The following TRPV4 variants were observed in gnomAD, a reference collection of about 807,000 sequenced individuals.
The protein encoded by TRPV4 is transient receptor potential cation channel subfamily V member 4, also known as OSM9-like transient receptor potential channel 4.
A neutral mutation model predicts 84.1 loss-of-function variants in TRPV4; 58 were observed. The ratio of observed to expected loss-of-function variants is 0.69; its 90% CI spans 0.56 to 0.86. The LOEUF is 0.86. Among genes scored for constraint, TRPV4 ranks in the 40% least tolerant of loss-of-function variants. The pLI, the probability that TRPV4 is intolerant of heterozygous loss-of-function variation, is 0.00. For missense variants in TRPV4, 879 were observed against 1,181.1 expected, an observed-to-expected ratio of 0.74 and a Z score of 3.75; for synonymous variants, 489 against 500.9, an observed-to-expected ratio of 0.98 and a Z score of 0.32.
At chr12:109,831,093 GAT>G (rs1419713228) in intron 1 of TRPV4, among the ~76,000 whole-genome samples, 1 of 152,018 alleles carries the variant, frequency 6.6e-6, no homozygotes, top group Non-Finnish European at 1.5e-5. Context: ...CTCTGGGTCT[GAT>G]TTAGCTCCTG....
At chr12:109,829,040 T>A (rs1892343534) in intron 1 of TRPV4, among the ~76,000 whole-genome samples, 1 of 152,000 alleles carries the variant, frequency 6.6e-6, no homozygotes, top group African/African-American at 2.4e-5. Context: ...TTTTTTTTAA[T>A]AAGCTGGGTG....
chr12:109,826,326 TTCTA>T (rs1892250914), intron 1 of TRPV4, among the ~76,000 whole-genome samples: 1 of 152,224 alleles, frequency 6.6e-6, no homozygotes, highest in East Asian at 1.9e-4. Context: ...GGCTGGCCCC[TTCTA>T]TCTATTTTAA....
intron 1 of TRPV4, among the ~76,000 whole-genome samples, chr12:109,828,267 T>C (rs370346552): frequency 7.2e-5 from 11 of 152,208 alleles, no homozygotes; most frequent in African/African-American, 2.6e-4. Flanking sequence ...TGATCCTCCC[T>C]CACCGATGAG....
Position 109,796,850 on chromosome 12 carries a change from T to C in TRPV4, c.1153-146A>G. 2.3e-6 allele frequency: 2 copies of C among 860,158 alleles called. No homozygotes were observed. Among genetic ancestry groups the C allele is most frequent in the East Asian group, 5.4e-5 (2 of 37,118 alleles). The allele number at this position is 860,158 out of a possible 1,614,324, so 53.3% of individuals were successfully genotyped here. A position where few individuals can be genotyped will look rare whatever the true frequency, so the allele number is the denominator to read the frequency against. On this transcript the variant is annotated intron_variant, in intron 6 of 15. Coordinates refer to ENST00000261740, the MANE Select transcript of TRPV4 (RefSeq NM_021625.5). The surrounding 1 kb of genome is among the most constrained non-coding windows in gnomAD (Gnocchi z 4.2). ...TCCTCATCTTGTTTAATTCTTGCTC[T>C]TATTATCTTGGTTTACAGATAAAGA...
chr12:109,790,451 G>A (rs531520942), intron 12 of TRPV4, among the ~76,000 whole-genome samples: 9 of 152,306 alleles, frequency 5.9e-5, no homozygotes, highest in African/African-American at 1.9e-4. Flanking sequence ...GTGGCATCAT[G>A]ACATCACGAA....
chr12:109,786,621 A>C lies in TRPV4; in HGVS notation c.2336+89T>G. The C allele has an allele frequency of 6.4e-7, 1 of 1,553,088 alleles. No homozygotes were observed. The highest frequency in any genetic ancestry group is 8.8e-7 in the Non-Finnish European group (1 of 1,141,394). On this transcript the variant is annotated intron_variant, in intron 14 of 15. Transcript: ENST00000261740. This position sits in a 1 kb window ranked among gnomAD's most constrained non-coding sequence, Gnocchi z 4.5. ...GGGCCTCAGTGGCTCCAGAAATTGCAATGGGTAGACGACGCTGGAGCAGCA... is the reference window on the plus strand; with the variant it reads ...GGGCCTCAGTGGCTCCAGAAATTGCCATGGGTAGACGACGCTGGAGCAGCA...
intron 1 of TRPV4, among the ~76,000 whole-genome samples, chr12:109,822,578 G>A (rs537788033): frequency 1.3e-5 from 2 of 152,296 alleles, no homozygotes; most frequent in East Asian, 3.9e-4. Context: ...GGGGAGGCAG[G>A]ATTAGAACCC....
In TRPV4 at chr12:109,814,411, T is replaced by C; in HGVS notation, c.386A>G (p.Glu129Gly). 6.2e-7 allele frequency: 1 copy of C among 1,613,964 alleles called. No homozygotes were observed. Among genetic ancestry groups the C allele is most frequent in the Non-Finnish European group, 8.5e-7 (1 of 1,179,972 alleles). ...AGGCCAGGAAGCTAACAATACTCAC[T>C]CTATGATCTTCTTCCTCCACCTCTT... The part of the protein sequence containing the change: ...DNKRWRKKII[E>G]KQPQSPKAPA... Residue 129 changes from glutamate to glycine, a missense_variant and splice_region_variant, in exon 2 of 16, where the codon GAG becomes GGG. By Grantham distance (98) the Glu-to-Gly change is moderately conservative (BLOSUM62 -2). Coordinates refer to ENST00000261740, the MANE Select transcript of TRPV4 (RefSeq NM_021625.5). This position sits in a 1 kb window ranked among gnomAD's most constrained non-coding sequence, Gnocchi z 5.4.
At chr12:109,797,342 CG>C (rs774493326) in intron 6 of TRPV4, among the ~76,000 whole-genome samples, 57 of 152,212 alleles carry the variant, frequency 3.7e-4, no homozygotes, top group Middle Eastern at 3.4e-3. Context: ...TTAGTAGAGA[CG>C]GGGTTTCACC....
rs1383671294 is a variant in TRPV4, at chr12:109,796,901, G to A, written c.1153-197C>T. ...ATGGAGGCTGGGAAAAACGAAGGGT[G>A]TTCCAGAAGCCACTTAACCAGTCAG... On this transcript the variant is annotated intron_variant, in intron 6 of 15. Coordinates refer to ENST00000261740, the MANE Select transcript of TRPV4 (RefSeq NM_021625.5). The surrounding 1 kb of genome is among the most constrained non-coding windows in gnomAD (Gnocchi z 4.2). 6.6e-6 allele frequency among the ~76,000 whole-genome samples: 1 copy of A among 152,212 alleles called. No individual in the cohort carries two copies. The highest frequency in any genetic ancestry group is 2.4e-5 in the African/African-American group (1 of 41,448).
chr12:109,801,107 G>A (rs560881709), intron 4 of TRPV4, among the ~76,000 whole-genome samples: 123 of 152,308 alleles, frequency 8.1e-4, no homozygotes, highest in African/African-American at 2.8e-3. Flanking sequence ...GAGCCCAGGC[G>A]TTTGAGGCAA....
Position 109,786,632 on chromosome 12 carries a change from G to T in TRPV4, c.2336+78C>A. The T allele has an allele frequency of 1.9e-6, 3 of 1,583,062 alleles. No homozygotes were observed. The highest frequency in any genetic ancestry group is 1.1e-5 in the South Asian group (1 of 88,476). ...GCTCCAGAAATTGCAATGGGTAGAC[G>T]ACGCTGGAGCAGCAGGGGCCCCGAG... On this transcript the variant is annotated intron_variant, in intron 14 of 15. Transcript: ENST00000261740. This position sits in a 1 kb window ranked among gnomAD's most constrained non-coding sequence, Gnocchi z 4.5.
rs760044422 is a variant in TRPV4, at chr12:109,788,696, G to C, written c.1912C>G (p.Pro638Ala). 99 of 1,614,054 alleles carry C rather than the reference G, an allele frequency of 6.1e-5. No homozygotes were observed. The highest frequency in any genetic ancestry group is 7.8e-5 in the Non-Finnish European group (92 of 1,180,050). Residue 638 changes from proline to alanine, a missense_variant, in exon 13 of 16, where the codon CCG becomes GCG. By Grantham distance (27) the Pro-to-Ala change is conservative. This residue lies in a region of TRPV4 where 242 missense variants were observed against 355.3 expected (regional missense o/e 0.68). Coordinates refer to ENST00000261740, the MANE Select transcript of TRPV4 (RefSeq NM_021625.5). The part of the protein sequence containing the change: ...YASALVSLLN[P>A]CANMKVCNED... ...TTGCACACCTTCATGTTGGCACACG[G>C]GTTCAGGAGGGAGACCAGGGCTGTG...
rs1293621639 is a variant in TRPV4, at chr12:109,814,723, G to A, written c.74C>T (p.Thr25Ile). The change falls in exon 2 of 16, where the codon ACC (threonine) becomes ATC (isoleucine). Residue 25 changes from threonine (T) to isoleucine (I), a missense_variant. By Grantham distance (89) the Thr-to-Ile change is moderately conservative (BLOSUM62 -1). This residue lies in a region of TRPV4 where 107 missense variants were observed against 99.4 expected (regional missense o/e 1.08). Coordinates refer to ENST00000261740, the MANE Select transcript of TRPV4 (RefSeq NM_021625.5). The surrounding 1 kb of genome is among the most constrained non-coding windows in gnomAD (Gnocchi z 5.4). ...GAGAGGAAAAGCCTCCCCACCTGGG[G>A]TGCCACTCTCATCCCCGGGGAGCTC... is the stretch of plus-strand genomic sequence containing the variant. Reference protein sequence around the residue: ...VAELPGDESGTPGGEAFPLSS... With the variant: ...VAELPGDESGIPGGEAFPLSS... The A allele has an allele frequency of 1.2e-6, 2 of 1,600,212 alleles. No individual in the cohort carries two copies. The highest frequency in any genetic ancestry group is 1.7e-6 in the Non-Finnish European group (2 of 1,174,302).
intron 2 of TRPV4, among the ~76,000 whole-genome samples, chr12:109,813,492 TG>T (rs1172041936): frequency 6.6e-6 from 1 of 152,024 alleles, no homozygotes; most frequent in Admixed American, 6.6e-5. Context: ...GAAGGGTGAA[TG>T]GGTAAATGGG....
chr12:109,788,566 C>T lies in TRPV4; in HGVS notation c.2042G>A (p.Gly681Asp), dbSNP rs766420746. ...GGTGCTGCTCAGCATCTCCAGGTCG[C>T]CCATGCCGATGGTCAGCTTAAACAG... The part of the protein sequence containing the change: ...LDLFKLTIGM[G>D]DLEMLSSTKY... The change falls in exon 13 of 16, where the codon GGC (glycine) becomes GAC (aspartate). Residue 681 changes from glycine (G) to aspartate (D), a missense_variant. By Grantham distance (94) the Gly-to-Asp change is moderately conservative. Around this residue, in one of 4 missense-constraint regions of TRPV4, gnomAD observed 242 missense variants for 355.3 expected, o/e 0.68. Transcript: ENST00000261740. 1.7e-5 allele frequency: 28 copies of T among 1,614,134 alleles called. No individual in the cohort carries two copies. The highest frequency in any genetic ancestry group is 2.3e-5 in the Non-Finnish European group (27 of 1,180,058).
At chr12:109,818,838 C>T (rs960400287) in intron 1 of TRPV4, among the ~76,000 whole-genome samples, 3 of 152,216 alleles carry the variant, frequency 2.0e-5, no homozygotes, top group Non-Finnish European at 4.4e-5. Context: ...TACAGCCTGA[C>T]ATTTTATAGC....
At chr12:109,810,305 A>G (rs912189072) in intron 2 of TRPV4, among the ~76,000 whole-genome samples, 2 of 152,230 alleles carry the variant, frequency 1.3e-5, no homozygotes, top group African/African-American at 4.8e-5. Context: ...ACTAAAGAGA[A>G]GGAGGAAGAT....
At chr12:109,817,425 G>C (rs1891905651) in intron 1 of TRPV4, among the ~76,000 whole-genome samples, 1 of 152,134 alleles carries the variant, frequency 6.6e-6, no homozygotes, top group South Asian at 2.1e-4. Context: ...AGAGAAGGCA[G>C]CCAAGAAGGT....
Sources: gnomAD v4.1 joint callset for allele counts (sites outside exome capture counted in the v4.1 genomes callset) on GRCh38, gnomAD v4.1.1 for gene constraint, gnomAD v4.1.1 regional missense constraint, Gnocchi (gnomAD v3.1) non-coding constraint, MANE v1.5 for transcripts, NCBI Gene and HGNC (gene_info 2026-07-23, HGNC 2026-07-21) for gene names.